The following CMTM4 variants were observed in gnomAD, a reference collection of about 807,000 sequenced individuals.
CMTM4 encodes CKLF like MARVEL transmembrane domain containing 4.
In CMTM4, 8 loss-of-function variants were observed where a neutral mutation model predicts 19.0. The ratio of observed to expected loss-of-function variants is 0.42; its 90% CI spans 0.25 to 0.76. CMTM4 has a LOEUF of 0.76. CMTM4 is among the 30% of genes least tolerant of loss of function. The pLI, the probability that CMTM4 is intolerant of heterozygous loss-of-function variation, is 0.27. For synonymous variants in CMTM4, 106 were observed against 121.1 expected, an observed-to-expected ratio of 0.88 and a Z score of 0.82; for missense variants, 228 against 290.2, an observed-to-expected ratio of 0.79 and a Z score of 1.56.
intron 1 of CMTM4, among the ~76,000 whole-genome samples, chr16:66,676,987 T>A (rs2016820178): frequency 6.6e-6 from 1 of 152,298 alleles, no homozygotes; most frequent in Non-Finnish European, 1.5e-5. Context: ...TGGTGGCTCA[T>A]GCCTGTAATC....
intron 1 of CMTM4, among the ~76,000 whole-genome samples, chr16:66,665,674 G>A (rs1167415340): frequency 6.6e-6 from 1 of 151,932 alleles, no homozygotes; most frequent in Admixed American, 6.6e-5. Context: ...AACCCAGGAG[G>A]CTGAGACAGG....
chr16:66,648,782 G>A (rs1397297665), intron 1 of CMTM4, among the ~76,000 whole-genome samples: 1 of 151,572 alleles, frequency 6.6e-6, no homozygotes, highest in African/African-American at 2.4e-5. Context: ...GACCAGCCTG[G>A]CCAACATGGT....
At chr16:66,681,031 T>C (rs944184518) in intron 1 of CMTM4, among the ~76,000 whole-genome samples, 1 of 152,178 alleles carries the variant, frequency 6.6e-6, no homozygotes, top group Admixed American at 6.6e-5. Flanking sequence ...GAAAATTTTC[T>C]AATAGCCATA....
chr16:66,657,085 A>ATT (rs35197723), intron 1 of CMTM4, among the ~76,000 whole-genome samples: 5,667 of 139,112 alleles, frequency 0.041, 227 homozygotes, highest in East Asian at 0.15. Flanking sequence ...TAATTTCCTG[A>ATT]TTTTTTTTTT....
intron 1 of CMTM4, among the ~76,000 whole-genome samples, chr16:66,655,518 CGTGTGT>C (rs72390418): frequency 1.2e-3 from 182 of 148,012 alleles, no homozygotes; most frequent in African/African-American, 2.5e-3. Flanking sequence ...AGGACAGAAA[CGTGTGT>C]GTGTGTGTGT....
the CMTM4 span, chr16:66,603,882 G>C: frequency 3.9e-5 from 6 of 152,440 alleles, no homozygotes; most frequent in African/African-American, 1.4e-4. Flanking sequence ...ACAGACTGCC[G>C]GTGAAGAGGG....
intron 1 of CMTM4, among the ~76,000 whole-genome samples, chr16:66,659,406 C>T (rs1482524161): frequency 1.3e-5 from 2 of 151,844 alleles, no homozygotes; most frequent in Non-Finnish European, 2.9e-5. Flanking sequence ...TAGAGAAAGC[C>T]ACCAGTCAAG....
intron 1 of CMTM4, among the ~76,000 whole-genome samples, chr16:66,651,794 C>G (rs941125674): frequency 1.3e-5 from 2 of 152,118 alleles, no homozygotes; most frequent in East Asian, 1.9e-4. Flanking sequence ...GAGTTTTTTC[C>G]CCTCCCAAGG....
At position 66,621,879 on chromosome 16, in the gene CMTM4, T is replaced by TCCCAACTCCACCGCGGACCC. The variant is rs2015642257; in HGVS notation, c.*159_*178dup. 1 of 1,423,070 alleles carries TCCCAACTCCACCGCGGACCC rather than the reference T, an allele frequency of 7.0e-7. No homozygotes were observed. The highest frequency in any genetic ancestry group is 9.2e-7 in the Non-Finnish European group (1 of 1,091,430). The allele number at this position is 1,423,070 out of a possible 1,614,324, so 88.2% of individuals were successfully genotyped here. On this transcript the variant is annotated 3_prime_UTR_variant, in exon 4 of 4. Coordinates refer to ENST00000394106, the MANE Select transcript of CMTM4 (RefSeq NM_181521.3). ...CCCCAAACGCTGAGGAACGTGGGCCTCCCAACTCCACCGCGGACCCGCCCA... is the reference window on the plus strand; with the variant it reads ...CCCCAAACGCTGAGGAACGTGGGCCTCCCAACTCCACCGCGGACCCCCCAACTCCACCGCGGACCCGCCCA...
Position 66,619,424 on chromosome 16 carries a change from G to A in CMTM4, c.*2634C>T, listed in dbSNP as rs558080153. The stretch of plus-strand genomic sequence containing the variant: ...TGCTTTAAATGTGAAAACCAATATC[G>A]TCCCACCAGAACACTGAGAAAAACT... On this transcript the variant is annotated 3_prime_UTR_variant, in exon 4 of 4. Coordinates refer to ENST00000394106, the MANE Select transcript of CMTM4 (RefSeq NM_181521.3). The A allele has an allele frequency of 1.1e-4, 111 of 985,356 alleles. No individual in the cohort carries two copies. The highest frequency in any genetic ancestry group is 8.7e-4 in the African/African-American group (50 of 57,322). The allele number at this position is 985,356 out of a possible 1,614,324, so 61.0% of individuals were successfully genotyped here.
At position 66,696,593 on chromosome 16, in the gene CMTM4, GGCCGCCGCATCGCCGCC is replaced by G. The variant is rs2017242355; in HGVS notation, c.-85_-69del. 1.0e-6 allele frequency: 1 copy of G among 996,120 alleles called. No individual in the cohort carries two copies. Among genetic ancestry groups the G allele is most frequent in the Non-Finnish European group, 1.2e-6 (1 of 823,646 alleles). The allele number at this position is 996,120 out of a possible 1,614,324, so 61.7% of individuals were successfully genotyped here. Reference sequence around the variant, plus strand: ...CGCCAGGAGCGGGCGGACTCAGCGGGGCCGCCGCATCGCCGCCGCCGCCGCCGCCGCCGCCGCCCGAC... The same window carrying G: ...CGCCAGGAGCGGGCGGACTCAGCGGGGCCGCCGCCGCCGCCGCCGCCCGAC... On this transcript the variant is annotated 5_prime_UTR_variant, in exon 1 of 4. An upstream start codon of the reference 5' UTR is lost. Coordinates refer to ENST00000394106, the MANE Select transcript of CMTM4 (RefSeq NM_181521.3). The surrounding 1 kb of genome is among the most constrained non-coding windows in gnomAD (Gnocchi z 4.3).
At chr16:66,690,433 G>A (rs2017113932) in intron 1 of CMTM4, among the ~76,000 whole-genome samples, 1 of 152,190 alleles carries the variant, frequency 6.6e-6, no homozygotes, top group Non-Finnish European at 1.5e-5. Context: ...TATGTCTACA[G>A]CCAGTCATTT....
At chr16:66,675,358 C>T (rs868407057) in intron 1 of CMTM4, among the ~76,000 whole-genome samples, 39 of 151,358 alleles carry the variant, frequency 2.6e-4, no homozygotes, top group African/African-American at 8.3e-4. Flanking sequence ...CTGGGATTAC[C>T]GGTGTGAGCC....
At position 66,696,039 on chromosome 16, in the gene CMTM4, C is replaced by A. The variant is rs967225326; in HGVS notation, c.186+301G>T. Among the ~76,000 whole-genome samples, 1 of 152,170 alleles carries A rather than the reference C, an allele frequency of 6.6e-6. No homozygotes were observed. Among genetic ancestry groups the A allele is most frequent in the Non-Finnish European group, 1.5e-5 (1 of 68,028 alleles). ...CAGCAGGATTCCCAGCAGCACCCAG[C>A]CCAGTAACGCCACAGACTCCCGGGA... On this transcript the variant is annotated intron_variant, in intron 1 of 3. Transcript: ENST00000394106. This position sits in a 1 kb window ranked among gnomAD's most constrained non-coding sequence, Gnocchi z 4.3.
intron 1 of CMTM4, among the ~76,000 whole-genome samples, chr16:66,645,241 G>A (rs937919998): frequency 7.3e-5 from 11 of 151,546 alleles, no homozygotes; most frequent in African/African-American, 2.2e-4. Context: ...CTGAGATTGC[G>A]TCACTGCACT....
chr16:66,632,787 A>AG (rs1260705944), intron 2 of CMTM4, among the ~76,000 whole-genome samples: 1 of 152,156 alleles, frequency 6.6e-6, no homozygotes, highest in Non-Finnish European at 1.5e-5. Context: ...TAGGACACAG[A>AG]GAAAAACAAA....
intron 2 of CMTM4, among the ~76,000 whole-genome samples, chr16:66,635,922 T>C (rs923633610): frequency 2.0e-5 from 3 of 152,104 alleles, no homozygotes; most frequent in Non-Finnish European, 4.4e-5. Flanking sequence ...CACTCAAGAC[T>C]TTCTGATCAA....
At chr16:66,664,326 T>C (rs988935161) in intron 1 of CMTM4, among the ~76,000 whole-genome samples, 26 of 151,716 alleles carry the variant, frequency 1.7e-4, no homozygotes, top group African/African-American at 6.3e-4. Context: ...AGGTTCTTCA[T>C]GGAGAATGGA....
chr16:66,661,628 T>C (rs1596942563), intron 1 of CMTM4, among the ~76,000 whole-genome samples: 1 of 152,256 alleles, frequency 6.6e-6, no homozygotes, highest in Admixed American at 6.5e-5. Context: ...GAGTAATACT[T>C]AAAACATTTC....
Sources: gnomAD v4.1 joint callset for allele counts (sites outside exome capture counted in the v4.1 genomes callset) on GRCh38, gnomAD v4.1.1 for gene constraint, Gnocchi (gnomAD v3.1) non-coding constraint, MANE v1.5 for transcripts, NCBI Gene and HGNC (gene_info 2026-07-23, HGNC 2026-07-21) for gene names.